RBL1: variants seen among roughly 807,000 people sequenced by gnomAD.
RBL1 encodes the protein retinoblastoma-like protein 1.
In RBL1, 82 loss-of-function variants were observed where a neutral mutation model predicts 123.0. The ratio of observed to expected loss-of-function variants is 0.67; its 90% CI spans 0.56 to 0.80. The LOEUF (loss-of-function observed/expected upper bound fraction) is 0.80, where lower values mean the gene tolerates loss of function less well. Ranked by LOEUF, RBL1 falls within the 30% of genes least tolerant of loss-of-function variation. The pLI is 0.00. For synonymous variants in RBL1, 405 were observed against 441.3 expected (o/e 0.92, Z 1.03); for missense variants, 1,171 against 1,299.6 (o/e 0.90, Z 1.52).
intron 2 of RBL1, among the ~76,000 whole-genome samples, chr20:37,078,502 C>A (rs899862749): frequency 6.6e-6 from 1 of 152,166 alleles, no homozygotes; most frequent in Non-Finnish European, 1.5e-5. Context: ...TCTTTTCAAC[C>A]TAGCTTCTAA....
intron 9 of RBL1, 78 bp downstream of exon 9, chr20:37,061,025 T>G: frequency 2.2e-6 from 3 of 1,383,728 alleles, no homozygotes; most frequent in Non-Finnish European, 2.9e-6. Context: ...TTGAGAATTC[T>G]GAATATACTA....
rs1176464839 is a variant in RBL1, at chr20:37,000,081, G to T, written c.3037-1152C>A. Among the ~76,000 whole-genome samples the T allele has an allele frequency of 1.6e-4, 24 of 151,350 alleles. No homozygotes were observed. The East Asian group carries it at 4.2e-3, about 26-fold the overall frequency. On this transcript the variant is annotated intron_variant, in intron 21 of 21. Transcript: ENST00000373664. ...TGCCAGGCCGCCCATCTTCTGCAAT[G>T]TGGGGAGCGCCTCTGCCCTGCTGCC...
chr20:37,022,156 A>G (rs2064350948), intron 17 of RBL1, among the ~76,000 whole-genome samples: 1 of 152,234 alleles, frequency 6.6e-6, no homozygotes, highest in Non-Finnish European at 1.5e-5. Context: ...TAGGACTGCC[A>G]GTGTGGCCAG....
rs547903102 is a variant in RBL1 at position 37,070,315 on chromosome 20, C to T, written c.291-2129G>A. ...TCACCACTCCCTAATCGCAAGTTCC[C>T]AGGGACACAAACACCGCGGAAGGCC... is the stretch of plus-strand genomic sequence containing the variant. On this transcript the variant is annotated intron_variant, in intron 2 of 21. Transcript: ENST00000373664. Among the ~76,000 whole-genome samples the T allele has an allele frequency of 2.6e-5, 4 of 152,168 alleles. No individual in the cohort carries two copies. In the East Asian group the frequency reaches 5.8e-4, roughly 22 times the overall value.
intron 21 of RBL1, among the ~76,000 whole-genome samples, chr20:36,999,849 C>T (rs921565715): frequency 6.6e-6 from 1 of 152,208 alleles, no homozygotes; most frequent in African/African-American, 2.4e-5. Context: ...CTACAACCTC[C>T]ACTTCCCAGC....
rs13433217 is a variant in RBL1 at position 37,006,615 on chromosome 20, C to T, written c.2871+796G>A. ...CAGCACTCTGGGAGGCCGAGGTGGGCGGATCACAAGGTCAGGAGTTCAAGA... is the reference window on the plus strand; with the variant it reads ...CAGCACTCTGGGAGGCCGAGGTGGGTGGATCACAAGGTCAGGAGTTCAAGA... On this transcript the variant is annotated intron_variant, in intron 20 of 21. Coordinates refer to ENST00000373664, the MANE Select transcript of RBL1 (RefSeq NM_002895.5). Among the ~76,000 whole-genome samples, 444 of 150,624 alleles carry T rather than the reference C, an allele frequency of 2.9e-3. 3 individuals are homozygous for T. The highest frequency in any genetic ancestry group is 0.011 in the African/African-American group (432 of 41,138).
At chr20:37,011,859 C>T (rs1034057810) in intron 19 of RBL1, among the ~76,000 whole-genome samples, 1 of 152,048 alleles carries the variant, frequency 6.6e-6, no homozygotes, top group Non-Finnish European at 1.5e-5. Context: ...TATTTGACTC[C>T]CTCTCCCACT....
chr20:37,090,882 C>T (rs1452463074), intron 1 of RBL1, among the ~76,000 whole-genome samples: 1 of 152,180 alleles, frequency 6.6e-6, no homozygotes, highest in Non-Finnish European at 1.5e-5. Flanking sequence ...CTGAAACATT[C>T]TGCAGCACAC....
Position 37,044,078 on chromosome 20 carries a change from A to G in RBL1, c.1770+8T>C. 2 of 1,568,960 alleles carry G rather than the reference A, an allele frequency of 1.3e-6. No individual in the cohort carries two copies. Among genetic ancestry groups the G allele is most frequent in the South Asian group, 2.3e-5 (2 of 85,446 alleles). ...AATGATACGATTATCAGCCTTGCCC[A>G]GACTCACTTCTTCACAGGTAGGAAC... On this transcript the variant is annotated splice_region_variant and intron_variant, in intron 13 of 21. Coordinates refer to ENST00000373664, the MANE Select transcript of RBL1 (RefSeq NM_002895.5).
chr20:37,081,967 T>G (rs1455513221), intron 2 of RBL1: 3 of 455,908 alleles, frequency 6.6e-6, no homozygotes, highest in African/African-American at 6.0e-5. Flanking sequence ...GGAGGCTCGC[T>G]TCAGGTCACT....
At chr20:37,094,387 C>G (rs563810801) in intron 1 of RBL1, among the ~76,000 whole-genome samples, 2 of 152,304 alleles carry the variant, frequency 1.3e-5, no homozygotes, top group African/African-American at 4.8e-5. Context: ...TGTCCTTTAC[C>G]CAGTCTATCC....
At chr20:37,073,354 A>G (rs1352481377) in intron 2 of RBL1, among the ~76,000 whole-genome samples, 1 of 152,190 alleles carries the variant, frequency 6.6e-6, no homozygotes, top group Admixed American at 6.5e-5. Flanking sequence ...AACTAAAATA[A>G]GAAGCAAAGT....
At chr20:37,040,406 C>G in intron 13 of RBL1, 121 bp from the exon 14 acceptor site, 2 of 1,393,830 alleles carry the variant, frequency 1.4e-6, no homozygotes, top group Non-Finnish European at 1.9e-6. Context: ...GGCTGGAATG[C>G]AGTGGCACGA....
chr20:37,001,737 A>C (rs1254808227), intron 21 of RBL1, among the ~76,000 whole-genome samples: 7 of 145,112 alleles, frequency 4.8e-5, no homozygotes, highest in Admixed American at 4.2e-4. Flanking sequence ...TGCGAGAAAC[A>C]CCCAAGAATG....
chr20:37,025,501 C>T (rs6103269), intron 16 of RBL1, among the ~76,000 whole-genome samples: 3,501 of 151,544 alleles, frequency 0.023, 125 homozygotes, highest in African/African-American at 0.079. Context: ...GCACGGGTGA[C>T]AGAGCAAGAC....
At position 37,062,232 on chromosome 20, in the gene RBL1, G is replaced by A; in HGVS notation, c.935C>T (p.Thr312Ile). 1 of 1,614,128 alleles carries A rather than the reference G, an allele frequency of 6.2e-7. No homozygotes were observed. ...GATCCTCTCATCAAAATCACCAACAGTTAGAACATACTCTTCATACTCCTT... is the reference window on the plus strand; with the variant it reads ...GATCCTCTCATCAAAATCACCAACAATTAGAACATACTCTTCATACTCCTT... Reference protein sequence around the residue: ...VNKEYEEYVLTVGDFDERIFL... With the variant: ...VNKEYEEYVLIVGDFDERIFL... The change falls in exon 8 of 22, where the codon ACT becomes ATT. Residue 312 changes from threonine (T) to isoleucine (I), a missense_variant. Transcript: ENST00000373664.
chr20:37,008,701 G>C (rs151123779), intron 19 of RBL1, among the ~76,000 whole-genome samples: 139 of 152,232 alleles, frequency 9.1e-4, no homozygotes, highest in Admixed American at 2.6e-3. Flanking sequence ...TTGAGAACAT[G>C]GGTAGAAGCA....
At chr20:37,024,740 T>C (rs919230652) in intron 16 of RBL1, among the ~76,000 whole-genome samples, 2 of 152,230 alleles carry the variant, frequency 1.3e-5, no homozygotes, top group African/African-American at 4.8e-5. Flanking sequence ...AAAAGTCTTA[T>C]TTCTGTCAAA....
intron 2 of RBL1, among the ~76,000 whole-genome samples, chr20:37,069,323 T>C (rs1002941214): frequency 5.9e-5 from 9 of 151,476 alleles, no homozygotes; most frequent in South Asian, 4.2e-4. Context: ...GAGGAGCCCC[T>C]CTGCCTGGCT....
Sources: gnomAD v4.1 joint callset for allele counts (sites outside exome capture counted in the v4.1 genomes callset) on GRCh38, gnomAD v4.1.1 for gene constraint, MANE v1.5 for transcripts, NCBI Gene and HGNC (gene_info 2026-07-23, HGNC 2026-07-21) for gene names.